The following SETD3 variants were observed in gnomAD, a reference collection of about 807,000 sequenced individuals.
SETD3 encodes actin-histidine N-methyltransferase.
In SETD3, 19 loss-of-function variants were observed where a neutral mutation model predicts 63.0. The observed-to-expected ratio is 0.30, with a 90% CI of 0.21 to 0.44. The LOEUF (loss-of-function observed/expected upper bound fraction) is 0.44, where lower values mean the gene tolerates loss of function less well. Among genes scored for constraint, SETD3 ranks in the 20% least tolerant of loss-of-function variants. The probability of loss-of-function intolerance (pLI) is 1.00; values close to 1 mark genes in which losing one functional copy is unlikely to be tolerated. For synonymous variants in SETD3, 286 were observed against 264.1 expected, an observed-to-expected ratio of 1.08 and a Z score of -0.80; for missense variants, 587 against 728.5, an observed-to-expected ratio of 0.81 and a Z score of 2.24.
intron 6 of SETD3, among the ~76,000 whole-genome samples, chr14:99,420,718 A>C (rs956715727): frequency 6.6e-6 from 1 of 151,934 alleles, no homozygotes; most frequent in African/African-American, 2.4e-5. Flanking sequence ...CTCTTTAAAC[A>C]CATTTGAGAA....
At chr14:99,409,984 G>T (rs967453365) in intron 8 of SETD3, 29 of 438,808 alleles carry the variant, frequency 6.6e-5, no homozygotes, top group African/African-American at 5.4e-4. Flanking sequence ...GGGAGGCGGG[G>T]GGGTGAACCA....
intron 6 of SETD3, among the ~76,000 whole-genome samples, chr14:99,452,329 A>G (rs1051420571): frequency 6.6e-6 from 1 of 151,816 alleles, no homozygotes; most frequent in African/African-American, 2.4e-5. Context: ...CTGGTCTCAA[A>G]CTCTTGACCT....
At chr14:99,437,840 T>G (rs1328430613) in intron 6 of SETD3, among the ~76,000 whole-genome samples, 1 of 152,226 alleles carries the variant, frequency 6.6e-6, no homozygotes, top group Non-Finnish European at 1.5e-5. Flanking sequence ...ATTCTTCCTT[T>G]GTCACTACGT....
intron 6 of SETD3, among the ~76,000 whole-genome samples, chr14:99,419,526 A>C (rs1308264186): frequency 1.3e-5 from 2 of 152,214 alleles, no homozygotes; most frequent in African/African-American, 2.4e-5. Context: ...CTGTAATCCC[A>C]GCACTTTGGG....
At chr14:99,410,564 T>C (rs1178220176) in intron 8 of SETD3, among the ~76,000 whole-genome samples, 1 of 152,106 alleles carries the variant, frequency 6.6e-6, no homozygotes, top group Non-Finnish European at 1.5e-5. Flanking sequence ...AACCGAAAAA[T>C]CCTCAACAAA....
At chr14:99,480,271 G>A (rs997726422) in intron 1 of SETD3, among the ~76,000 whole-genome samples, 1 of 152,052 alleles carries the variant, frequency 6.6e-6, no homozygotes, top group Non-Finnish European at 1.5e-5. Flanking sequence ...ATGGGAGCGC[G>A]ACCCGGCCGC....
At chr14:99,461,163 C>A in intron 4 of SETD3, 29 bp downstream of exon 4, 1 of 1,612,408 alleles carries the variant, frequency 6.2e-7, no homozygotes, top group Non-Finnish European at 8.5e-7. Context: ...ACACATAGAC[C>A]CCTTGAGACC....
At chr14:99,399,314 T>A (rs573024118) in intron 12 of SETD3, among the ~76,000 whole-genome samples, 189 bp from the exon 13 acceptor site, 151 of 152,280 alleles carry the variant, frequency 9.9e-4, no homozygotes, top group Non-Finnish European at 1.9e-3. Context: ...GAAGTATGCC[T>A]TTCATTGTAT....
chr14:99,427,242 ACTT>A (rs1566700161), intron 6 of SETD3, among the ~76,000 whole-genome samples: 1 of 152,238 alleles, frequency 6.6e-6, no homozygotes, highest in South Asian at 2.1e-4. Context: ...GAAACAGACA[ACTT>A]CTCCATTTGA....
At chr14:99,481,572 G>C (rs1896321518), upstream of SETD3, 1 of 397,806 alleles carries the variant, frequency 2.5e-6, no homozygotes, top group Non-Finnish European at 4.4e-6. Context: ...ATCCACTGGC[G>C]GAGTCTCTCT....
At chr14:99,428,307 T>C (rs1054491859) in intron 6 of SETD3, among the ~76,000 whole-genome samples, 3 of 152,198 alleles carry the variant, frequency 2.0e-5, no homozygotes, top group Non-Finnish European at 4.4e-5. Context: ...CCCCCTGGTC[T>C]TCAGCATTTA....
At chr14:99,483,529 G>A (rs866933302), upstream of SETD3, among the ~76,000 whole-genome samples, 6 of 152,174 alleles carry the variant, frequency 3.9e-5, no homozygotes, top group African/African-American at 1.2e-4. Context: ...CAGCCTGGGC[G>A]ACAAAGCAAG....
At chr14:99,470,359 T>A (rs898884646) in intron 1 of SETD3, among the ~76,000 whole-genome samples, 1 of 152,336 alleles carries the variant, frequency 6.6e-6, no homozygotes, top group Non-Finnish European at 1.5e-5. Context: ...TTTGGCAACC[T>A]CTTTGGGCTG....
intron 10 of SETD3, among the ~76,000 whole-genome samples, chr14:99,404,808 GAACTT>G (rs2139618652): frequency 6.6e-6 from 1 of 152,152 alleles, no homozygotes; most frequent in African/African-American, 2.4e-5. Context: ...AAATCTTAAA[GAACTT>G]AACTAGAAAT....
chr14:99,471,848 T>C (rs943879847), intron 1 of SETD3, among the ~76,000 whole-genome samples: 4 of 152,112 alleles, frequency 2.6e-5, no homozygotes, highest in African/African-American at 9.7e-5. Flanking sequence ...AGGGAAAAGC[T>C]CCATGGGCAC....
chr14:99,455,926 G>A (rs1331043785), intron 6 of SETD3, among the ~76,000 whole-genome samples: 3 of 152,224 alleles, frequency 2.0e-5, no homozygotes, highest in African/African-American at 2.4e-5. Flanking sequence ...AGGACAAGGC[G>A]GGCGGATCAC....
intron 1 of SETD3, among the ~76,000 whole-genome samples, chr14:99,467,493 C>A (rs1308169384): frequency 6.6e-6 from 1 of 152,212 alleles, no homozygotes; most frequent in African/African-American, 2.4e-5. Flanking sequence ...CTTCCCATAT[C>A]TGCGGAGGGC....
upstream of SETD3, among the ~76,000 whole-genome samples, chr14:99,483,749 A>G (rs1315911289): frequency 6.6e-6 from 1 of 152,242 alleles, no homozygotes; most frequent in Non-Finnish European, 1.5e-5. Flanking sequence ...TATCCATGCA[A>G]ATTACCAAAC....
chr14:99,457,514 G>A (rs1346261746), intron 6 of SETD3, among the ~76,000 whole-genome samples: 1 of 152,236 alleles, frequency 6.6e-6, no homozygotes, highest in East Asian at 1.9e-4. Context: ...AATTCAGGTT[G>A]TCACACCAAC....
Sources: allele counts gnomAD v4.1 joint callset (sites outside exome capture counted in the v4.1 genomes callset), GRCh38; gene constraint gnomAD v4.1.1; transcripts MANE v1.5; gene names NCBI Gene and HGNC (gene_info 2026-07-23, HGNC 2026-07-21).